PMEL: variants seen among roughly 807,000 people sequenced by gnomAD.
The protein encoded by PMEL is premelanosome protein.
In PMEL, 53 loss-of-function variants were observed where a neutral mutation model predicts 64.9. That is an observed-to-expected ratio of 0.82 (90% CI 0.66 to 1.03). The LOEUF (loss-of-function observed/expected upper bound fraction) is 1.03, where lower values mean the gene tolerates loss of function less well. Among genes scored for constraint, PMEL ranks in the 50% least tolerant of loss-of-function variants. The pLI is 0.00. For missense variants in PMEL, 716 were observed against 814.9 expected (o/e 0.88, Z 1.48); for synonymous variants, 299 against 316.2 (o/e 0.95, Z 0.58).
chr12:55,960,653 C>T (rs1889069550), intron 3 of PMEL, among the ~76,000 whole-genome samples: 1 of 149,102 alleles, frequency 6.7e-6, no homozygotes, highest in African/African-American at 2.5e-5. Context: ...CGCCATTCTC[C>T]TGTCTCAGCC....
chr12:55,958,962 T>A (rs1889001049), intron 3 of PMEL, among the ~76,000 whole-genome samples: 1 of 151,796 alleles, frequency 6.6e-6, no homozygotes, highest in Admixed American at 6.5e-5. Flanking sequence ...TATTTTTTTG[T>A]AGAGACAGGG....
chr12:55,957,867 A>C, intron 5 of PMEL, 56 bp downstream of exon 5: 1 of 1,599,692 alleles, frequency 6.3e-7, no homozygotes, highest in Non-Finnish European at 8.5e-7. Flanking sequence ...AGTCCATCCA[A>C]GCCTCCCTGC....
chr12:55,960,406 C>T (rs1280950242), intron 3 of PMEL, among the ~76,000 whole-genome samples: 1 of 151,798 alleles, frequency 6.6e-6, no homozygotes, highest in Non-Finnish European at 1.5e-5. Context: ...GACAGGGTCT[C>T]ACTCTGTCAC....
In PMEL at chr12:55,957,101, G is replaced by C; in HGVS notation, c.1202C>G (p.Thr401Arg). The change falls in exon 6 of 11, where the codon ACA becomes AGA. Residue 401 changes from threonine to arginine, a missense_variant. By Grantham distance (71) the Thr-to-Arg change is moderately conservative. Coordinates refer to ENST00000548747, the MANE Select transcript of PMEL (RefSeq NM_001384361.1). ...EMSTPEATGM[T>R]PAEVSIVVLS... ...CACCACAATTGATACCTCTGCAGGT[G>C]TCATACCTGTAGCCTCTGGAGTTGA... 1 of 1,614,148 alleles carries C rather than the reference G, an allele frequency of 6.2e-7. No homozygotes were observed. Among genetic ancestry groups the C allele is most frequent in the Non-Finnish European group, 8.5e-7 (1 of 1,179,990 alleles).
chr12:55,961,896 G>A (rs1350029167), intron 1 of PMEL, among the ~76,000 whole-genome samples, 164 bp from the exon 2 acceptor site: 2 of 150,504 alleles, frequency 1.3e-5, no homozygotes, highest in African/African-American at 4.9e-5. Context: ...GAGTGCAATG[G>A]CATGATCTCG....
chr12:55,954,562 C>T (rs1308501140), intron 10 of PMEL, among the ~76,000 whole-genome samples: 1 of 152,162 alleles, frequency 6.6e-6, no homozygotes, highest in African/African-American at 2.4e-5. Context: ...TGCCTGAGGA[C>T]CATGCCACCC....
intron 5 of PMEL, 74 bp from the exon 6 acceptor site, chr12:55,957,745 C>T: frequency 1.3e-6 from 2 of 1,544,260 alleles, no homozygotes; most frequent in East Asian, 4.5e-5. Context: ...CACCCTCCAA[C>T]TCCAAGCTGA....
chr12:55,959,411 A>T (rs1889016367), intron 3 of PMEL, among the ~76,000 whole-genome samples: 1 of 150,958 alleles, frequency 6.6e-6, no homozygotes, highest in Admixed American at 6.6e-5. Context: ...ATAAATAAAT[A>T]AAATAAGAAA....
rs1190274151 is a variant in PMEL, at chr12:55,956,969, A to G, written c.1334T>C (p.Met445Thr). The G allele has an allele frequency of 3.1e-6, 5 of 1,614,060 alleles. No individual in the cohort carries two copies. Among genetic ancestry groups the G allele is most frequent in the African/African-American group, 1.3e-5 (1 of 74,930 alleles). The change falls in exon 6 of 11, where the codon ATG (methionine) becomes ACG (threonine). Residue 445 changes from methionine (M) to threonine (T), a missense_variant. Coordinates refer to ENST00000548747, the MANE Select transcript of PMEL (RefSeq NM_001384361.1). ...CTTACCTGTAATACTTTCCGTAGAC[A>G]TGATTGAGCTGGCATCTGGACCTTC... is the stretch of plus-strand genomic sequence containing the variant. ...EPEGPDASSI[M>T]STESITGSLG...
At chr12:55,958,297 AATT>A in intron 4 of PMEL, 173 bp downstream of exon 4, 9 of 793,220 alleles carry the variant, frequency 1.1e-5, no homozygotes, top group Non-Finnish European at 1.8e-5. Context: ...TGCCAGAAAG[AATT>A]ATGATAGAGT....
chr12:55,961,808 T>A (rs1889112627), intron 1 of PMEL, 76 bp from the exon 2 acceptor site: 2 of 871,788 alleles, frequency 2.3e-6, no homozygotes, highest in Non-Finnish European at 3.8e-6. Flanking sequence ...TTCATGTCAC[T>A]CCATTCATTC....
Position 55,955,729 on chromosome 12 carries a change from C to A in PMEL, c.1556+50G>T, listed in dbSNP as rs115106532. 9 of 1,607,828 alleles carry A rather than the reference C, an allele frequency of 5.6e-6. No homozygotes were observed. The Admixed American group carries it at 6.7e-5, about 12-fold the overall frequency. On this transcript the variant is annotated intron_variant, in intron 8 of 10. Coordinates refer to ENST00000548747, the MANE Select transcript of PMEL (RefSeq NM_001384361.1). The stretch of plus-strand genomic sequence containing the variant: ...GGAAGGGACACTAAATGCCAGAGAG[C>A]GGAGAAACAGTCAACCAAAGAGTTA...
At position 55,955,846 on chromosome 12, in the gene PMEL, C is replaced by T. The variant is rs768939186; in HGVS notation, c.1489G>A (p.Glu497Lys). The change falls in exon 8 of 11, where the codon GAG becomes AAG. Residue 497 changes from glutamate (E) to lysine (K), a missense_variant. Glu to Lys is a moderately conservative substitution (Grantham distance 56). Transcript: ENST00000548747. The stretch of plus-strand genomic sequence containing the variant: ...CCGGACGGCACAGCCTGCAGGATCT[C>T]GGCACTTTCAATACCCTCTGCAGAG... ...LDIVQGIESA[E>K]ILQAVPSGEG... 14 of 1,613,926 alleles carry T rather than the reference C, an allele frequency of 8.7e-6. No individual in the cohort carries two copies. The Admixed American group carries it at 1.5e-4, about 17-fold the overall frequency.
intron 1 of PMEL, 110 bp from the exon 2 acceptor site, chr12:55,961,842 T>A (rs1005284628): frequency 1.1e-5 from 8 of 733,472 alleles, no homozygotes; most frequent in Non-Finnish European, 1.8e-5. Flanking sequence ...GCATTTTTTT[T>A]TTTTTTTTTT....
intron 1 of PMEL, 102 bp from the exon 2 acceptor site, chr12:55,961,834 A>AT (rs1201947206): frequency 0.064 from 32,728 of 508,122 alleles, 14 homozygotes; most frequent in East Asian, 0.082. Context: ...TTCGAAGTGC[A>AT]TTTTTTTTTT....
chr12:55,956,233 A>G lies in PMEL; in HGVS notation c.1355-14T>C, dbSNP rs775269137. The G allele has an allele frequency of 6.5e-7, 1 of 1,546,552 alleles. No individual in the cohort carries two copies. Among genetic ancestry groups the G allele is most frequent in the Non-Finnish European group, 8.9e-7 (1 of 1,119,218 alleles). On this transcript the variant is annotated splice_polypyrimidine_tract_variant and intron_variant, in intron 6 of 10. Coordinates refer to ENST00000548747, the MANE Select transcript of PMEL (RefSeq NM_001384361.1). ...GGCCCAGGGAACCTGGCAGGAGAGG[A>G]TCAAGGAGGCAAGATCAAGAGACAG...
chr12:55,959,159 T>A (rs1889007307), intron 3 of PMEL, among the ~76,000 whole-genome samples: 1 of 151,168 alleles, frequency 6.6e-6, no homozygotes. Context: ...GTGGGAGGAC[T>A]GCTTGAGGCA....
At chr12:55,966,171 G>A, upstream of PMEL, 1 of 1,119,316 alleles carries the variant, frequency 8.9e-7, no homozygotes, top group East Asian at 2.5e-5. Flanking sequence ...AAGGGATCCT[G>A]GTCCCTAGAC....
chr12:55,954,330 C>T lies in PMEL; in HGVS notation c.1870G>A (p.Asp624Asn). 6.2e-7 allele frequency: 1 copy of T among 1,614,134 alleles called. No individual in the cohort carries two copies. Among genetic ancestry groups the T allele is most frequent in the Non-Finnish European group, 8.5e-7 (1 of 1,180,024 alleles). Reference sequence around the variant, plus strand: ...TGTGGCAACTGGGGTACGGAGAAGTCTTGCTTCATAAGTCTGCGCCTGATA... The same window carrying T: ...TGTGGCAACTGGGGTACGGAGAAGTTTTGCTTCATAAGTCTGCGCCTGATA... ...LIYRRRLMKQ[D>N]FSVPQLPHSS... Residue 624 changes from aspartate to asparagine, a missense_variant, in exon 11 of 11, where the codon GAC (aspartate) becomes AAC (asparagine). Physicochemically the swap from Asp to Asn is conservative, Grantham distance 23. Transcript: ENST00000548747.
Sources: allele counts gnomAD v4.1 joint callset (sites outside exome capture counted in the v4.1 genomes callset), GRCh38; gene constraint gnomAD v4.1.1; transcripts MANE v1.5; gene names NCBI Gene and HGNC (gene_info 2026-07-23, HGNC 2026-07-21).